The following PITPNM3 variants were observed in gnomAD, a reference collection of about 807,000 sequenced individuals.
PITPNM3 encodes the protein PITPNM family member 3.
Under a neutral mutation model 102.0 loss-of-function variants are expected in PITPNM3, and 26 were observed. That is an observed-to-expected ratio of 0.25 (90% CI 0.19 to 0.35). The LOEUF is 0.35. Among genes scored for constraint, PITPNM3 ranks in the 10% least tolerant of loss-of-function variants. PITPNM3 has a pLI of 1.00. For missense variants in PITPNM3, 1,083 were observed against 1,346.1 expected (o/e 0.80, Z 3.06); for synonymous variants, 578 against 558.6 (o/e 1.03, Z -0.49).
chr17:6,549,703 AAG>A (rs748819743), intron 1 of PITPNM3, among the ~76,000 whole-genome samples: 2 of 152,166 alleles, frequency 1.3e-5, no homozygotes, highest in African/African-American at 2.4e-5. Flanking sequence ...GGAATTTTAA[AAG>A]AGAGAGAGTG....
rs571792617 is a variant in PITPNM3 at position 6,493,791 on chromosome 17, G to A, written c.275-9499C>T. 3.3e-4 allele frequency among the ~76,000 whole-genome samples: 50 copies of A among 152,356 alleles called. 1 individual carries two copies. Among genetic ancestry groups the A allele is most frequent in the Middle Eastern group, 3.4e-3 (1 of 294 alleles). On this transcript the variant is annotated intron_variant, in intron 4 of 19. Coordinates refer to ENST00000262483, the MANE Select transcript of PITPNM3 (RefSeq NM_031220.4). ...CCCCAGACCAGGGCCTGGCCCTTGC[G>A]AGGGCCTATGCCCTAAACCCTGCCC... is the stretch of plus-strand genomic sequence containing the variant.
intron 17 of PITPNM3, among the ~76,000 whole-genome samples, chr17:6,462,979 G>A (rs1352680404): frequency 6.6e-6 from 1 of 152,168 alleles, no homozygotes; most frequent in East Asian, 1.9e-4. Flanking sequence ...CTTCCCTGCA[G>A]TGGGAGGGGG....
chr17:6,460,522 G>A (rs1028143141), intron 18 of PITPNM3: 5 of 152,274 alleles, frequency 3.3e-5, no homozygotes, highest in African/African-American at 1.2e-4. Context: ...TTCTGCTGTT[G>A]TATTGCAAAA....
intron 3 of PITPNM3, among the ~76,000 whole-genome samples, chr17:6,506,502 G>T (rs1253328585): frequency 1.3e-5 from 2 of 151,748 alleles, no homozygotes; most frequent in Non-Finnish European, 1.5e-5. Context: ...CTCCCAAGTA[G>T]CTGGGACTAC....
At chr17:6,542,768 C>A (rs928023236) in intron 1 of PITPNM3, among the ~76,000 whole-genome samples, 1 of 152,206 alleles carries the variant, frequency 6.6e-6, no homozygotes, top group Non-Finnish European at 1.5e-5. Flanking sequence ...TGAGGGGCTT[C>A]CAGGCAGCTG....
At chr17:6,546,942 T>G (rs1361172319) in intron 1 of PITPNM3, among the ~76,000 whole-genome samples, 6 of 151,634 alleles carry the variant, frequency 4.0e-5, no homozygotes, top group East Asian at 3.9e-4. Flanking sequence ...GGGAGGTGGA[T>G]GTTGCAGTGA....
At chr17:6,503,617 T>C in intron 3 of PITPNM3, 43 bp from the exon 4 acceptor site, 1 of 1,595,108 alleles carries the variant, frequency 6.3e-7, no homozygotes. Flanking sequence ...CTTGACACTG[T>C]TGCCAGGCAC....
At chr17:6,510,246 C>G (rs564853210) in intron 3 of PITPNM3, among the ~76,000 whole-genome samples, 16 of 152,278 alleles carry the variant, frequency 1.1e-4, no homozygotes, top group African/African-American at 2.2e-4. Context: ...ACAATTTATA[C>G]TAACAATCTA....
At chr17:6,500,664 G>A (rs768587579) in intron 4 of PITPNM3, among the ~76,000 whole-genome samples, 101 of 150,552 alleles carry the variant, frequency 6.7e-4, no homozygotes, top group Non-Finnish European at 1.3e-3. Flanking sequence ...GTCATTCTTT[G>A]CTAAATAAGA....
At chr17:6,511,824 A>G (rs1907881215) in intron 3 of PITPNM3, among the ~76,000 whole-genome samples, 1 of 152,160 alleles carries the variant, frequency 6.6e-6, no homozygotes, top group Admixed American at 6.5e-5. Context: ...TCTACTAAAA[A>G]TATTTAAAAA....
intron 3 of PITPNM3, among the ~76,000 whole-genome samples, chr17:6,523,308 TC>T: frequency 6.6e-6 from 1 of 152,302 alleles, no homozygotes; most frequent in East Asian, 1.9e-4. Flanking sequence ...TTTTTACTAG[TC>T]CTCCACTCTG....
chr17:6,479,853 G>A (rs1314093489), intron 6 of PITPNM3: 6 of 152,208 alleles, frequency 3.9e-5, no homozygotes, highest in Non-Finnish European at 7.3e-5. Flanking sequence ...ATTATGGGGT[G>A]ATGAATGGCC....
Position 6,455,467 on chromosome 17 carries a change from G to A in PITPNM3, c.2796C>T (p.Pro932=). 1.2e-6 allele frequency: 2 copies of A among 1,604,704 alleles called. No individual in the cohort carries two copies. The highest frequency in any genetic ancestry group is 1.7e-6 in the Non-Finnish European group (2 of 1,179,342). Residue 932 remains proline (P), a synonymous_variant, in exon 20 of 20, where the codon CCC becomes CCT. Coordinates refer to ENST00000262483, the MANE Select transcript of PITPNM3 (RefSeq NM_031220.4). The part of the protein sequence containing the change: ...HLRRTMSVQQ[P]DPPAANPKPE... Reference sequence around the variant, plus strand: ...GCTTGGGGTTGGCGGCGGGCGGGTCGGGCTGCTGCACTGACATGGTTCTGC... The same window carrying A: ...GCTTGGGGTTGGCGGCGGGCGGGTCAGGCTGCTGCACTGACATGGTTCTGC...
At chr17:6,485,356 C>T (rs1906024013) in intron 4 of PITPNM3, among the ~76,000 whole-genome samples, 1 of 151,860 alleles carries the variant, frequency 6.6e-6, no homozygotes, top group Non-Finnish European at 1.5e-5. Flanking sequence ...CGGGGTTTCT[C>T]CATGTTGCTC....
chr17:6,504,131 G>A (rs1329243679), intron 3 of PITPNM3, among the ~76,000 whole-genome samples: 2 of 152,172 alleles, frequency 1.3e-5, no homozygotes, highest in South Asian at 2.1e-4. Context: ...AGGGCCCCAG[G>A]TCTCTGAGGA....
intron 1 of PITPNM3, among the ~76,000 whole-genome samples, chr17:6,538,346 C>T (rs1909558051): frequency 6.7e-6 from 1 of 149,596 alleles, no homozygotes; most frequent in Admixed American, 6.6e-5. Flanking sequence ...AGTTATGAGC[C>T]TTTGCCAAGG....
At position 6,556,276 on chromosome 17, in the gene PITPNM3, G is replaced by T; in HGVS notation, c.22+109C>A. ...GCTACCGCCCCCTACGCCCTCCCGG[G>T]ACCTCCGCCCACCTGCGCGAGGGGT... On this transcript the variant is annotated intron_variant, in intron 1 of 19. Coordinates refer to ENST00000262483, the MANE Select transcript of PITPNM3 (RefSeq NM_031220.4). This position sits in a 1 kb window ranked among gnomAD's most constrained non-coding sequence, Gnocchi z 5.2. 1 of 950,608 alleles carries T rather than the reference G, an allele frequency of 1.1e-6. No individual in the cohort carries two copies. Among genetic ancestry groups the T allele is most frequent in the Non-Finnish European group, 1.4e-6 (1 of 702,034 alleles). The allele number at this position is 950,608 out of a possible 1,614,324, so 58.9% of individuals were successfully genotyped here.
At position 6,556,448 on chromosome 17, in the gene PITPNM3, G is replaced by C; in HGVS notation, c.-42C>G. ...TCCGGCGGCGCTACGCGCGCTCCTC[G>C]CGCTTCCCGGGCCCGGCCCCGACCG... On this transcript the variant is annotated 5_prime_UTR_variant, in exon 1 of 20. Coordinates refer to ENST00000262483, the MANE Select transcript of PITPNM3 (RefSeq NM_031220.4). The surrounding 1 kb of genome is among the most constrained non-coding windows in gnomAD (Gnocchi z 5.2). 8.3e-7 allele frequency: 1 copy of C among 1,207,244 alleles called. No homozygotes were observed. The highest frequency in any genetic ancestry group is 1.0e-6 in the Non-Finnish European group (1 of 974,286). The allele number at this position is 1,207,244 out of a possible 1,614,324, so 74.8% of individuals were successfully genotyped here. A position where few individuals can be genotyped will look rare whatever the true frequency, so the allele number is the denominator to read the frequency against.
intron 4 of PITPNM3, among the ~76,000 whole-genome samples, chr17:6,498,102 C>T (rs1322097585): frequency 6.6e-6 from 1 of 152,186 alleles, no homozygotes; most frequent in African/African-American, 2.4e-5. Context: ...ATGGTGGTGG[C>T]ATATTGCAGC....
Sources: gnomAD v4.1 joint callset for allele counts (sites outside exome capture counted in the v4.1 genomes callset) on GRCh38, gnomAD v4.1.1 for gene constraint, Gnocchi (gnomAD v3.1) non-coding constraint, MANE v1.5 for transcripts, NCBI Gene and HGNC (gene_info 2026-07-23, HGNC 2026-07-21) for gene names.